TMEM132B: variants seen among roughly 807,000 people sequenced by gnomAD.
The protein encoded by TMEM132B is transmembrane protein 132B.
In TMEM132B, 18 loss-of-function variants were observed where a neutral mutation model predicts 90.8. That is an observed-to-expected ratio of 0.20 (90% CI 0.14 to 0.29). The LOEUF (loss-of-function observed/expected upper bound fraction) is 0.29, where lower values mean the gene tolerates loss of function less well. Among genes scored for constraint, TMEM132B ranks in the 10% least tolerant of loss-of-function variants. TMEM132B has a pLI of 1.00. For missense variants in TMEM132B, 1,096 were observed against 1,326.8 expected (o/e 0.83, Z 2.70); for synonymous variants, 504 against 523.3 (o/e 0.96, Z 0.50).
chr12:125,649,612 C>G (rs1842597810), intron 6 of TMEM132B, among the ~76,000 whole-genome samples: 1 of 152,178 alleles, frequency 6.6e-6, no homozygotes, highest in Admixed American at 6.5e-5. Context: ...GATGTCCGCT[C>G]TCATCATTAT....
At chr12:125,412,551 C>T (rs1176427051) in intron 2 of TMEM132B, among the ~76,000 whole-genome samples, 1 of 152,202 alleles carries the variant, frequency 6.6e-6, no homozygotes, top group Non-Finnish European at 1.5e-5. Flanking sequence ...GTGTGACCTT[C>T]AGCCGGTCGT....
intron 1 of TMEM132B, among the ~76,000 whole-genome samples, chr12:125,268,043 C>T (rs1306671828): frequency 1.3e-5 from 2 of 151,874 alleles, no homozygotes; most frequent in Non-Finnish European, 2.9e-5. Context: ...CCCAGGAGGT[C>T]GAGACCAGCC....
chr12:125,474,432 ACTACAGG>A (rs1881817195), intron 3 of TMEM132B, among the ~76,000 whole-genome samples: 1 of 151,996 alleles, frequency 6.6e-6, no homozygotes, highest in South Asian at 2.1e-4. Flanking sequence ...AGTAGCTGGG[ACTACAGG>A]TGTGCCAGCA....
intron 1 of TMEM132B, among the ~76,000 whole-genome samples, chr12:125,318,005 A>AC (rs1438625983): frequency 1.3e-5 from 2 of 152,236 alleles, no homozygotes; most frequent in Non-Finnish European, 2.9e-5. Context: ...ACAATGGGAT[A>AC]CCAAATAGTA....
intron 5 of TMEM132B, among the ~76,000 whole-genome samples, chr12:125,607,880 C>T (rs1438456150): frequency 6.6e-6 from 1 of 152,108 alleles, no homozygotes; most frequent in East Asian, 1.9e-4. Flanking sequence ...TAAAGTCTGA[C>T]GTTTCACATA....
chr12:125,519,839 G>A (rs932487427), intron 4 of TMEM132B, among the ~76,000 whole-genome samples: 13 of 152,122 alleles, frequency 8.5e-5, no homozygotes, highest in Admixed American at 1.3e-4. Flanking sequence ...TGGATATTGC[G>A]GAACTGTTTC....
chr12:125,523,372 G>A (rs36110807), intron 4 of TMEM132B, among the ~76,000 whole-genome samples: 37,639 of 151,740 alleles, frequency 0.25, 4,991 homozygotes, highest in African/African-American at 0.3. Flanking sequence ...GTGGGTCCAC[G>A]TGACTCTCAT....
rs2136469753 is a variant in TMEM132B, at chr12:125,460,271, A to G, written c.1106+44594A>G. Among the ~76,000 whole-genome samples the G allele has an allele frequency of 6.6e-6, 1 of 152,252 alleles. No individual in the cohort carries two copies. The highest frequency in any genetic ancestry group is 1.9e-4 in the East Asian group (1 of 5,166). ...TTTGGGAGGCCGAGGTGGGTGGATCACCTGAGGTCAGGAGTTTGAGACCAG... is the reference window on the plus strand; with the variant it reads ...TTTGGGAGGCCGAGGTGGGTGGATCGCCTGAGGTCAGGAGTTTGAGACCAG... On this transcript the variant is annotated intron_variant, in intron 3 of 8. Transcript: ENST00000682704. This position sits in a 1 kb window ranked among gnomAD's most constrained non-coding sequence, Gnocchi z 4.4.
intron 1 of TMEM132B, among the ~76,000 whole-genome samples, chr12:125,336,754 G>A (rs1876974382): frequency 6.6e-6 from 1 of 152,212 alleles, no homozygotes; most frequent in Non-Finnish European, 1.5e-5. Context: ...CGAATGGGAG[G>A]ATGAAGTGAC....
At chr12:125,519,021 A>G (rs1883237201) in intron 3 of TMEM132B, among the ~76,000 whole-genome samples, 3 of 152,218 alleles carry the variant, frequency 2.0e-5, no homozygotes, top group African/African-American at 7.2e-5. Flanking sequence ...TAGAAGCAGG[A>G]ATGGCCAAGG....
At chr12:125,422,339 G>C (rs1284129895) in intron 3 of TMEM132B, among the ~76,000 whole-genome samples, 2 of 152,198 alleles carry the variant, frequency 1.3e-5, no homozygotes, top group African/African-American at 4.8e-5. Flanking sequence ...TGCCATCCTG[G>C]GCTCCTCAGA....
chr12:125,190,195 A>G (rs1194395344), intron 1 of TMEM132B, among the ~76,000 whole-genome samples: 1 of 152,166 alleles, frequency 6.6e-6, no homozygotes, highest in Non-Finnish European at 1.5e-5. Context: ...CTCCTCACCT[A>G]TGACTTTCTA....
At chr12:125,365,180 C>A (rs1451839864) in intron 2 of TMEM132B, among the ~76,000 whole-genome samples, 2 of 151,440 alleles carry the variant, frequency 1.3e-5, no homozygotes, top group Non-Finnish European at 3.0e-5. Context: ...TCTAGTTTAA[C>A]TTTTATATAG....
intron 1 of TMEM132B, among the ~76,000 whole-genome samples, chr12:125,272,149 T>G (rs1874855244): frequency 6.6e-6 from 1 of 152,216 alleles, no homozygotes. Flanking sequence ...ACAGGAGAAT[T>G]AAGAAAGGAA....
In TMEM132B at chr12:125,458,006, G is replaced by A. The variant is rs573912570; in HGVS notation, c.1106+42329G>A. ...ATTAAACAGAGCTGTATCAGGATGG[G>A]GTGTACGTCTCAGGTGATCCCTGGA... On this transcript the variant is annotated intron_variant, in intron 3 of 8. Transcript: ENST00000682704. The surrounding 1 kb of genome is among the most constrained non-coding windows in gnomAD (Gnocchi z 4.9). Among the ~76,000 whole-genome samples the A allele has an allele frequency of 6.6e-6, 1 of 152,234 alleles. No homozygotes were observed. Among genetic ancestry groups the A allele is most frequent in the South Asian group, 2.1e-4 (1 of 4,822 alleles).
At chr12:125,562,824 C>G (rs553224581) in intron 4 of TMEM132B, among the ~76,000 whole-genome samples, 1 of 152,232 alleles carries the variant, frequency 6.6e-6, no homozygotes, top group African/African-American at 2.4e-5. Context: ...TCACCTTATG[C>G]CACGGTGGTG....
intron 1 of TMEM132B, among the ~76,000 whole-genome samples, chr12:125,341,932 A>G (rs928189678): frequency 2.0e-5 from 3 of 152,204 alleles, no homozygotes; most frequent in East Asian, 1.9e-4. Context: ...ATTTTCAGCT[A>G]TCTCTCTACC....
At chr12:125,192,679 G>A (rs571167812) in intron 1 of TMEM132B, among the ~76,000 whole-genome samples, 2 of 152,164 alleles carry the variant, frequency 1.3e-5, no homozygotes, top group Non-Finnish European at 2.9e-5. Context: ...CTCCTCATTC[G>A]GGAGCCCCGG....
rs529972937 is a variant in TMEM132B, at chr12:125,239,715, G to T, written c.67+52849G>T. On this transcript the variant is annotated intron_variant, in intron 1 of 8. Coordinates refer to ENST00000682704, the MANE Select transcript of TMEM132B (RefSeq NM_001366854.1). ...ATGCGGAAGGGAGAGGTAAGCCAGG[G>T]CTACCCTCTGCTCATCCTCCCGGCG... Among the ~76,000 whole-genome samples the T allele has an allele frequency of 2.6e-5, 4 of 152,324 alleles. No homozygotes were observed. In the South Asian group the frequency reaches 6.2e-4, roughly 24 times the overall value.
Sources: allele counts gnomAD v4.1 joint callset (sites outside exome capture counted in the v4.1 genomes callset), GRCh38; gene constraint gnomAD v4.1.1; non-coding constraint Gnocchi (gnomAD v3.1); transcripts MANE v1.5; gene names NCBI Gene and HGNC (gene_info 2026-07-23, HGNC 2026-07-21).